Variants in TRIM16 observed in about 807,000 individuals in gnomAD.
TRIM16 encodes the protein tripartite motif containing 16, also known as tripartite motif-containing protein 16.
Under a neutral mutation model 50.4 loss-of-function variants are expected in TRIM16, and 33 were observed. The observed-to-expected ratio is 0.65, with a 90% confidence interval of 0.50 to 0.88. TRIM16 has a LOEUF of 0.88. TRIM16 is among the 40% of genes least tolerant of loss of function. TRIM16 has a pLI of 0.00. For synonymous variants in TRIM16, 229 were observed against 270.7 expected, an observed-to-expected ratio of 0.85 and a Z score of 1.51; for missense variants, 581 against 686.8, an observed-to-expected ratio of 0.85 and a Z score of 1.72.
rs1400526883 is a variant in TRIM16, at chr17:15,636,797, T to C, written c.616-528A>G. Among the ~76,000 whole-genome samples the C allele has an allele frequency of 1.3e-5, 2 of 148,810 alleles. 1 individual carries two copies. The highest frequency in any genetic ancestry group is 3.0e-5 in the Non-Finnish European group (2 of 67,132). Reference sequence around the variant, plus strand: ...AAAATGTTTAGGGTGCAGACGACCATGGCACCCAAGCAATTCCAGGACAAG... The same window carrying C: ...AAAATGTTTAGGGTGCAGACGACCACGGCACCCAAGCAATTCCAGGACAAG... On this transcript the variant is annotated intron_variant, in intron 8 of 11. Coordinates refer to ENST00000649191, the MANE Select transcript of TRIM16 (RefSeq NM_001348119.1).
chr17:15,675,745 G>A (rs143102903), intron 6 of TRIM16: 2,975 of 170,506 alleles, frequency 0.017, 103 homozygotes, highest in African/African-American at 0.069. Context: ...ATACACATAC[G>A]TATGTGTATG....
chr17:15,656,633 T>C (rs913986215), intron 6 of TRIM16, among the ~76,000 whole-genome samples: 5 of 152,048 alleles, frequency 3.3e-5, no homozygotes, highest in African/African-American at 1.2e-4. Context: ...CTCCCAGTCA[T>C]TCCCCTTAGT....
At chr17:15,634,713 G>A (rs928287682) in intron 9 of TRIM16, among the ~76,000 whole-genome samples, 1 of 148,126 alleles carries the variant, frequency 6.8e-6, no homozygotes, top group African/African-American at 2.5e-5. Context: ...TCGGGAGGCT[G>A]AGGCAGAGAA....
At chr17:15,679,913 G>A (rs1334937230) in intron 4 of TRIM16, among the ~76,000 whole-genome samples, 1 of 150,798 alleles carries the variant, frequency 6.6e-6, no homozygotes, top group Non-Finnish European at 1.5e-5. Context: ...CTCCAGCCTG[G>A]GCGAGAGAGC....
intron 6 of TRIM16, among the ~76,000 whole-genome samples, chr17:15,654,083 C>T (rs1391023696): frequency 6.6e-6 from 1 of 152,184 alleles, no homozygotes; most frequent in East Asian, 1.9e-4. Flanking sequence ...CTCCCTATGG[C>T]TCTGCATCCC....
chr17:15,676,392 T>C (rs1160428092), intron 6 of TRIM16, among the ~76,000 whole-genome samples: 2 of 151,608 alleles, frequency 1.3e-5, no homozygotes, highest in African/African-American at 4.8e-5. Context: ...AGAACTTCCA[T>C]TCACCTACAC....
At chr17:15,663,683 G>T (rs929874663) in intron 6 of TRIM16, among the ~76,000 whole-genome samples, 1 of 152,186 alleles carries the variant, frequency 6.6e-6, no homozygotes, top group African/African-American at 2.4e-5. Flanking sequence ...CTCTCCAGGT[G>T]CCAGGAAAGA....
chr17:15,680,328 A>AATAATAAG (rs1567693841), intron 4 of TRIM16, among the ~76,000 whole-genome samples: 3 of 112,202 alleles, frequency 2.7e-5, no homozygotes, highest in African/African-American at 8.9e-5. Flanking sequence ...TATATTGAGT[A>AATAATAAG]GGCCCTTAAT....
intron 4 of TRIM16, among the ~76,000 whole-genome samples, chr17:15,678,225 A>AAG (rs1989031652): frequency 6.6e-6 from 1 of 152,208 alleles, no homozygotes; most frequent in African/African-American, 2.4e-5. Context: ...TCTCAAAAAA[A>AAG]AAAAAAGAAA....
chr17:15,678,270 T>G (rs1178634763), intron 4 of TRIM16, among the ~76,000 whole-genome samples: 1 of 150,626 alleles, frequency 6.6e-6, no homozygotes, highest in Non-Finnish European at 1.5e-5. Flanking sequence ...AAACAAAGAA[T>G]CACATCTATT....
intron 6 of TRIM16, among the ~76,000 whole-genome samples, chr17:15,663,251 G>A (rs966712519): frequency 6.6e-5 from 10 of 152,040 alleles, no homozygotes; most frequent in African/African-American, 1.9e-4. Context: ...ATATTTGCAC[G>A]TGCCACTCTC....
intron 7 of TRIM16, among the ~76,000 whole-genome samples, chr17:15,646,992 A>G (rs1468115950): frequency 1.4e-5 from 2 of 145,424 alleles, no homozygotes; most frequent in African/African-American, 5.1e-5. Context: ...TTTGAGATGG[A>G]GTCTTGCTCT....
intron 6 of TRIM16, among the ~76,000 whole-genome samples, chr17:15,655,011 T>C (rs1419749065): frequency 6.8e-6 from 1 of 147,420 alleles, no homozygotes; most frequent in Admixed American, 6.8e-5. Flanking sequence ...AAAAAAAAAA[T>C]GTAGCTTGTC....
rs73978088 is a variant in TRIM16 at position 15,640,872 on chromosome 17, G to A, written c.615+1849C>T. Among the ~76,000 whole-genome samples the A allele has an allele frequency of 1.6e-3, 242 of 148,750 alleles. 14 individuals carry two copies. The highest frequency in any genetic ancestry group is 5.8e-3 in the African/African-American group (232 of 40,244). Reference sequence around the variant, plus strand: ...AGAGTGCTCCCTGCCTGTACTGCCCGCTCCCGATGACCTCCAGAAAGCAGG... The same window carrying A: ...AGAGTGCTCCCTGCCTGTACTGCCCACTCCCGATGACCTCCAGAAAGCAGG... On this transcript the variant is annotated intron_variant, in intron 8 of 11. Coordinates refer to ENST00000649191, the MANE Select transcript of TRIM16 (RefSeq NM_001348119.1).
At chr17:15,674,928 A>G (rs1316466599) in intron 6 of TRIM16, among the ~76,000 whole-genome samples, 1 of 151,932 alleles carries the variant, frequency 6.6e-6, no homozygotes. Flanking sequence ...GCAAAGTTTT[A>G]TAGGAAGGTG....
At chr17:15,633,991 G>A (rs1350411704) in intron 9 of TRIM16, among the ~76,000 whole-genome samples, 1 of 143,796 alleles carries the variant, frequency 7.0e-6, no homozygotes, top group Non-Finnish European at 1.5e-5. Context: ...TCAGGAGTTC[G>A]AGACCAGCCT....
intron 8 of TRIM16, among the ~76,000 whole-genome samples, chr17:15,637,376 G>A (rs536418527): frequency 1.9e-4 from 21 of 109,012 alleles, no homozygotes; most frequent in Admixed American, 3.2e-4. Flanking sequence ...CCGGCCAGCC[G>A]CCCCGTCCGG....
At chr17:15,635,340 T>C (rs995516608) in intron 9 of TRIM16, among the ~76,000 whole-genome samples, 1 of 148,948 alleles carries the variant, frequency 6.7e-6, no homozygotes, top group Non-Finnish European at 1.5e-5. Context: ...TGTTCCTTCC[T>C]CGAAAGGTTA....
In TRIM16 at chr17:15,628,866, C is replaced by A. The variant is rs1420180946; in HGVS notation, c.1444G>T (p.Asp482Tyr). 3 of 1,614,118 alleles carry A rather than the reference C, an allele frequency of 1.9e-6. No homozygotes were observed. The highest frequency in any genetic ancestry group is 1.7e-5 in the Admixed American group (1 of 60,012). Residue 482 changes from aspartate (D) to tyrosine (Y), a missense_variant, in exon 12 of 12, where the codon GAC (aspartate) becomes TAC (tyrosine). Physicochemically the swap from Asp to Tyr is radical, Grantham distance 160. Transcript: ENST00000649191. ...NGKEFTAWYS[D>Y]METPLKAGPF... ...CCAGCTTTGAGTGGGGTCTCCATGT[C>A]ACTGTACCAGGCCGTGAACTCCTTC...
Sources: allele counts gnomAD v4.1 joint callset (sites outside exome capture counted in the v4.1 genomes callset), GRCh38; gene constraint gnomAD v4.1.1; transcripts MANE v1.5; gene names NCBI Gene and HGNC (gene_info 2026-07-23, HGNC 2026-07-21).